Variants in MGAT5 observed in about 807,000 individuals in gnomAD.
MGAT5 encodes alpha-1,6-mannosylglycoprotein 6-beta-N-acetylglucosaminyltransferase A.
Under a neutral mutation model 94.3 loss-of-function variants are expected in MGAT5, and 30 were observed. The observed-to-expected ratio is 0.32, with a 90% CI of 0.24 to 0.43. The LOEUF (loss-of-function observed/expected upper bound fraction) is 0.43. MGAT5 is among the 20% of genes least tolerant of loss of function. The probability of loss-of-function intolerance (pLI) is 1.00; values close to 1 mark genes in which losing one functional copy is unlikely to be tolerated. For missense variants in MGAT5, 691 were observed against 905.5 expected, an observed-to-expected ratio of 0.76 and a Z score of 3.04; for synonymous variants, 310 against 322.9, an observed-to-expected ratio of 0.96 and a Z score of 0.43.
intron 1 of MGAT5, among the ~76,000 whole-genome samples, chr2:134,199,499 C>CTT (rs58896555): frequency 6.8e-5 from 10 of 146,004 alleles, no homozygotes; most frequent in African/African-American, 1.8e-4. Flanking sequence ...TTGCCTGCTC[C>CTT]TTTTTTTTTT....
chr2:134,347,570 C>T (rs879529377), intron 8 of MGAT5, among the ~76,000 whole-genome samples: 30 of 152,000 alleles, frequency 2.0e-4, no homozygotes, highest in Non-Finnish European at 1.8e-4. Flanking sequence ...ACGGATCAAC[C>T]GCAGACCAAA....
intron 1 of MGAT5, among the ~76,000 whole-genome samples, chr2:134,236,102 A>G (rs973451639): frequency 3.9e-5 from 6 of 152,220 alleles, no homozygotes; most frequent in African/African-American, 1.4e-4. Flanking sequence ...TTTTATGGGC[A>G]TACAAAACCA....
At chr2:134,179,558 C>G (rs1010835211) in intron 1 of MGAT5, among the ~76,000 whole-genome samples, 1 of 152,162 alleles carries the variant, frequency 6.6e-6, no homozygotes, top group Non-Finnish European at 1.5e-5. Context: ...TGCAAGTTGG[C>G]TGTCCTATTA....
upstream of MGAT5, among the ~76,000 whole-genome samples, chr2:134,253,591 G>A (rs977549663): frequency 6.6e-6 from 1 of 152,236 alleles, no homozygotes; most frequent in Non-Finnish European, 1.5e-5. Context: ...CAGCATGCAA[G>A]TGAGCAGTGA....
intron 1 of MGAT5, among the ~76,000 whole-genome samples, chr2:134,175,018 A>G (rs1485217488): frequency 6.6e-6 from 1 of 151,878 alleles, no homozygotes; most frequent in African/African-American, 2.4e-5. Flanking sequence ...GGTGGGTGAA[A>G]CCTTGCTTTC....
At chr2:134,126,793 GC>G (rs1685857724) in intron 1 of MGAT5, among the ~76,000 whole-genome samples, 1 of 152,116 alleles carries the variant, frequency 6.6e-6, no homozygotes, top group South Asian at 2.1e-4. Flanking sequence ...TTTACACACT[GC>G]CACAAGCAGG....
At chr2:134,373,176 G>A (rs1680929129) in intron 10 of MGAT5, among the ~76,000 whole-genome samples, 1 of 152,208 alleles carries the variant, frequency 6.6e-6, no homozygotes, top group Non-Finnish European at 1.5e-5. Context: ...AGAGATGGGT[G>A]GCAGCTGCCC....
At chr2:134,307,894 A>T (rs1686425316) in intron 2 of MGAT5, among the ~76,000 whole-genome samples, 2 of 152,108 alleles carry the variant, frequency 1.3e-5, no homozygotes, top group Admixed American at 1.3e-4. Flanking sequence ...GAGAGCATTA[A>T]AAAAGGGGGT....
At chr2:134,411,073 G>A (rs923480442) in intron 11 of MGAT5, among the ~76,000 whole-genome samples, 4 of 152,142 alleles carry the variant, frequency 2.6e-5, no homozygotes, top group African/African-American at 9.7e-5. Flanking sequence ...CTGGGATGTC[G>A]TGGGACTAGT....
chr2:134,381,590 T>C (rs577577253), intron 10 of MGAT5, among the ~76,000 whole-genome samples: 5 of 145,168 alleles, frequency 3.4e-5, no homozygotes, highest in African/African-American at 9.8e-5. Context: ...GCAAGACCTG[T>C]CTCTAAAATA....
chr2:134,405,184 G>A (rs3791295), intron 11 of MGAT5, among the ~76,000 whole-genome samples: 103,256 of 152,182 alleles, frequency 0.68, 35,278 homozygotes, highest in African/African-American at 0.75. Context: ...GGGGAGGACA[G>A]GAAAAGAGGC....
At chr2:134,291,389 A>G (rs186012883) in intron 2 of MGAT5, among the ~76,000 whole-genome samples, 217 of 152,340 alleles carry the variant, frequency 1.4e-3, no homozygotes, top group African/African-American at 4.8e-3. Flanking sequence ...TCCTCACCAG[A>G]CACGGAATCT....
At chr2:134,444,555 C>G (rs146529855) in intron 15 of MGAT5, among the ~76,000 whole-genome samples, 1 of 152,348 alleles carries the variant, frequency 6.6e-6, no homozygotes, top group Non-Finnish European at 1.5e-5. Flanking sequence ...TGAGTGCCTC[C>G]TCAGTGTGGA....
chr2:134,362,747 G>T (rs1463116402), intron 10 of MGAT5, among the ~76,000 whole-genome samples: 1 of 152,228 alleles, frequency 6.6e-6, no homozygotes, highest in Non-Finnish European at 1.5e-5. Context: ...ACTGCACAGG[G>T]AGAAACTTTA....
At chr2:134,387,609 G>A (rs1478192990) in intron 10 of MGAT5, among the ~76,000 whole-genome samples, 1 of 151,916 alleles carries the variant, frequency 6.6e-6, no homozygotes. Flanking sequence ...ACATGGCTGA[G>A]CCATTTTCCG....
chr2:134,290,774 A>C (rs1409323486), intron 2 of MGAT5, among the ~76,000 whole-genome samples: 1 of 150,666 alleles, frequency 6.6e-6, no homozygotes, highest in Non-Finnish European at 1.5e-5. Flanking sequence ...GCTGCAAAGC[A>C]AAGCCAGTTT....
At chr2:134,389,004 G>T (rs746531021) in intron 10 of MGAT5, among the ~76,000 whole-genome samples, 69 of 151,674 alleles carry the variant, frequency 4.5e-4, no homozygotes, top group Admixed American at 9.2e-4. Flanking sequence ...CCAGTGATCG[G>T]CCTGCCTCGG....
intron 2 of MGAT5, among the ~76,000 whole-genome samples, chr2:134,305,462 G>A (rs1167657656): frequency 1.3e-5 from 2 of 152,114 alleles, no homozygotes; most frequent in Admixed American, 6.6e-5. Flanking sequence ...AACAGCCCAA[G>A]GATATAGCTA....
intron 1 of MGAT5, among the ~76,000 whole-genome samples, chr2:134,171,487 A>G (rs921261843): frequency 3.7e-4 from 56 of 152,318 alleles, no homozygotes; most frequent in Admixed American, 3.5e-3. Context: ...CTCCCGCTGA[A>G]CTAATAATGG....
Sources: gnomAD v4.1 joint callset for allele counts (sites outside exome capture counted in the v4.1 genomes callset) on GRCh38, gnomAD v4.1.1 for gene constraint, MANE v1.5 for transcripts, NCBI Gene and HGNC (gene_info 2026-07-23, HGNC 2026-07-21) for gene names.